Variants in ARHGEF3 observed in about 807,000 individuals in gnomAD.
The protein encoded by ARHGEF3 is 59.8 kDA protein.
Under a neutral mutation model 63.2 loss-of-function variants are expected in ARHGEF3, and 28 were observed. The observed-to-expected ratio is 0.44, with a 90% CI of 0.33 to 0.61. ARHGEF3 has a LOEUF of 0.61. Among genes scored for constraint, ARHGEF3 ranks in the 20% least tolerant of loss-of-function variants. The pLI is 0.03. For missense variants in ARHGEF3, 533 were observed against 659.3 expected (o/e 0.81, Z 2.10); for synonymous variants, 266 against 254.2 (o/e 1.05, Z -0.44).
In ARHGEF3 at chr3:56,882,419, GAAAA is replaced by G; in HGVS notation, c.130-69_130-66del. ...GGGGTTATGGCTTTGATTAAGGCAA[GAAAA>G]AAAGCAATCAAATAGCACATGCAAT... On this transcript the variant is annotated intron_variant, in intron 3 of 12. Transcript: ENST00000338458. 7.3e-6 allele frequency: 10 copies of G among 1,367,194 alleles called. No homozygotes were observed. The South Asian group carries it at 1.0e-4, about 14-fold the overall frequency. 84.7% of individuals were successfully genotyped at this position (1,367,194 alleles called of 1,614,324 possible). A position where few individuals can be genotyped will look rare whatever the true frequency, so the allele number is the denominator to read the frequency against.
intron 4 of ARHGEF3, among the ~76,000 whole-genome samples, chr3:56,811,584 G>A (rs2038065552): frequency 6.6e-6 from 1 of 152,186 alleles, no homozygotes; most frequent in Admixed American, 6.5e-5. Context: ...GCTAGTTGGT[G>A]TGGGTTAACT....
At position 56,853,162 on chromosome 3, in the gene ARHGEF3, G is replaced by A. The variant is rs181810301; in HGVS notation, c.192+29130C>T. 9.3e-5 allele frequency among the ~76,000 whole-genome samples: 14 copies of A among 151,026 alleles called. 1 individual carries two copies. The East Asian group carries it at 2.3e-3, about 25-fold the overall frequency. On this transcript the variant is annotated intron_variant, in intron 4 of 12. Coordinates refer to the ARHGEF3 transcript ENST00000338458. ...GTAGTACCTGAGCATGGGGTACAGAGGTAACAGAACAGAGGACATGCATTG... is the reference window on the plus strand; with the variant it reads ...GTAGTACCTGAGCATGGGGTACAGAAGTAACAGAACAGAGGACATGCATTG...
At chr3:56,896,377 A>AGTGT (rs2041302713) in intron 3 of ARHGEF3, among the ~76,000 whole-genome samples, 1 of 152,194 alleles carries the variant, frequency 6.6e-6, no homozygotes, top group Non-Finnish European at 1.5e-5. Flanking sequence ...TAAATACTTC[A>AGTGT]GTGTGTATGT....
At chr3:56,967,928 TA>T (rs1399991452) in intron 2 of ARHGEF3, among the ~76,000 whole-genome samples, 3 of 70,034 alleles carry the variant, frequency 4.3e-5, no homozygotes, top group African/African-American at 5.7e-5. Flanking sequence ...ATATTATATA[TA>T]ATATAAAATA....
At chr3:56,946,536 C>G (rs982584430) in intron 3 of ARHGEF3, among the ~76,000 whole-genome samples, 3 of 152,166 alleles carry the variant, frequency 2.0e-5, no homozygotes, top group Admixed American at 1.3e-4. Flanking sequence ...AGTGATGGAA[C>G]ATCAAATGAA....
intron 2 of ARHGEF3, among the ~76,000 whole-genome samples, chr3:57,034,878 C>T (rs991143284): frequency 2.6e-5 from 4 of 151,846 alleles, no homozygotes; most frequent in African/African-American, 9.7e-5. Context: ...AGGCTGGTCT[C>T]GAACTCCTGG....
chr3:56,982,475 C>T (rs1701362513), intron 2 of ARHGEF3, among the ~76,000 whole-genome samples: 1 of 152,060 alleles, frequency 6.6e-6, no homozygotes, highest in Admixed American at 6.5e-5. Context: ...CTCTCTCAGA[C>T]CATCCTGTTG....
intron 3 of ARHGEF3, among the ~76,000 whole-genome samples, chr3:56,886,013 T>C (rs929642164): frequency 6.6e-6 from 1 of 152,162 alleles, no homozygotes; most frequent in African/African-American, 2.4e-5. Context: ...TCCTTGGATA[T>C]AGCAGTGAAT....
chr3:56,882,236 C>G, intron 4 of ARHGEF3: 1 of 1,492,540 alleles, frequency 6.7e-7, no homozygotes, highest in Non-Finnish European at 9.1e-7. Context: ...AACAAATAAC[C>G]TTCGGAGAAG....
intron 2 of ARHGEF3, among the ~76,000 whole-genome samples, chr3:56,756,650 C>T (rs1440081684): frequency 1.3e-5 from 2 of 150,662 alleles, no homozygotes; most frequent in African/African-American, 4.9e-5. Context: ...CCTGGGTTCA[C>T]GCCACTCTCT....
intron 2 of ARHGEF3, among the ~76,000 whole-genome samples, chr3:57,033,769 G>T (rs894339423): frequency 1.3e-5 from 2 of 152,082 alleles, no homozygotes; most frequent in African/African-American, 4.8e-5. Context: ...TTTAGGCTGG[G>T]CGCGGTGGCT....
intron 7 of ARHGEF3, among the ~76,000 whole-genome samples, chr3:56,744,343 G>C (rs375998312): frequency 4.1e-4 from 62 of 151,204 alleles, no homozygotes; most frequent in African/African-American, 1.4e-3. Flanking sequence ...GTCTTCTATT[G>C]CTGCTAGGGA....
At chr3:57,031,588 C>T (rs1703737794) in intron 2 of ARHGEF3, among the ~76,000 whole-genome samples, 1 of 152,190 alleles carries the variant, frequency 6.6e-6, no homozygotes, top group Non-Finnish European at 1.5e-5. Context: ...ACTCCAAATT[C>T]CCTAAGAATT....
At chr3:56,737,421 G>A (rs2033702636) in intron 7 of ARHGEF3, 66 bp from the exon 8 acceptor site, 2 of 1,398,506 alleles carry the variant, frequency 1.4e-6, no homozygotes, top group Middle Eastern at 2.6e-4. Context: ...CAAGTCTTAG[G>A]GGCTCAGCCT....
At chr3:56,890,350 G>A (rs1310483519) in intron 3 of ARHGEF3, among the ~76,000 whole-genome samples, 1 of 152,162 alleles carries the variant, frequency 6.6e-6, no homozygotes, top group Non-Finnish European at 1.5e-5. Context: ...ATAAGCTTTG[G>A]TTTTCTCCAT....
chr3:56,793,633 A>G (rs17216775), intron 1 of ARHGEF3, among the ~76,000 whole-genome samples: 3,877 of 152,270 alleles, frequency 0.025, 93 homozygotes, highest in East Asian at 0.097. Context: ...AATAGTTGCA[A>G]CATCAGTTAG....
At chr3:56,957,048 A>G (rs1283862272) in intron 3 of ARHGEF3, among the ~76,000 whole-genome samples, 1 of 152,228 alleles carries the variant, frequency 6.6e-6, no homozygotes, top group Non-Finnish European at 1.5e-5. Context: ...GTATGTCCCA[A>G]ATAGATCTGA....
At chr3:56,919,956 C>T (rs2042084068) in intron 3 of ARHGEF3, among the ~76,000 whole-genome samples, 1 of 152,180 alleles carries the variant, frequency 6.6e-6, no homozygotes, top group African/African-American at 2.4e-5. Flanking sequence ...GAGAAACCTG[C>T]TCTGGGATAT....
At chr3:56,786,126 G>A (rs1012847229) in intron 1 of ARHGEF3, among the ~76,000 whole-genome samples, 5 of 152,136 alleles carry the variant, frequency 3.3e-5, no homozygotes, top group Admixed American at 6.5e-5. Context: ...CACAGCACCC[G>A]GGTGTTTTAG....
Sources: allele counts gnomAD v4.1 joint callset (sites outside exome capture counted in the v4.1 genomes callset), GRCh38; gene constraint gnomAD v4.1.1; transcripts MANE v1.5; gene names NCBI Gene and HGNC (gene_info 2026-07-23, HGNC 2026-07-21).